Variants in TMTC2 observed in about 807,000 individuals in gnomAD.
The protein encoded by TMTC2 is protein O-mannosyl-transferase TMTC2.
TMTC2 carries 43 observed loss-of-function variants against 82.4 expected under a neutral mutation model. The observed-to-expected ratio is 0.52, with a 90% CI of 0.41 to 0.67. The LOEUF (loss-of-function observed/expected upper bound fraction) is 0.67, where lower values mean the gene tolerates loss of function less well. Ranked by LOEUF, TMTC2 falls within the 30% of genes least tolerant of loss-of-function variation. The pLI is 0.00. For missense variants in TMTC2, 919 were observed against 1,012.4 expected, an observed-to-expected ratio of 0.91 and a Z score of 1.25; for synonymous variants, 408 against 381.9, an observed-to-expected ratio of 1.07 and a Z score of -0.80.
chr12:83,007,293 T>C (rs143697586), intron 8 of TMTC2, among the ~76,000 whole-genome samples: 1 of 152,228 alleles, frequency 6.6e-6, no homozygotes. Flanking sequence ...GTTGTTGATA[T>C]GAGCTCTTTG....
intron 1 of TMTC2, among the ~76,000 whole-genome samples, chr12:82,834,846 A>T (rs1869940083): frequency 1.3e-5 from 2 of 152,032 alleles, no homozygotes; most frequent in African/African-American, 4.8e-5. Context: ...ATTATGTCAC[A>T]TAAGCTGTAA....
intron 7 of TMTC2, among the ~76,000 whole-genome samples, chr12:82,970,521 G>C (rs913927758): frequency 6.7e-6 from 1 of 149,044 alleles, no homozygotes; most frequent in Admixed American, 6.6e-5. Context: ...TTTTAGTAGA[G>C]ACGGGGTTTC....
chr12:82,848,393 T>C (rs931349699), intron 1 of TMTC2, among the ~76,000 whole-genome samples: 5 of 152,158 alleles, frequency 3.3e-5, no homozygotes, highest in Admixed American at 6.5e-5. Context: ...CTCTAAGACA[T>C]TGGGCATCTG....
At chr12:83,099,003 A>T (rs1256168061) in intron 11 of TMTC2, among the ~76,000 whole-genome samples, 1 of 152,248 alleles carries the variant, frequency 6.6e-6, no homozygotes, top group East Asian at 1.9e-4. Context: ...ATTTGGATAT[A>T]TCATAGCCTT....
chr12:83,129,747 A>G (rs1361616902), intron 11 of TMTC2, among the ~76,000 whole-genome samples: 1 of 152,166 alleles, frequency 6.6e-6, no homozygotes, highest in African/African-American at 2.4e-5. Flanking sequence ...GATAAGGAAA[A>G]GGAAAGGAAA....
At chr12:82,963,272 C>T (rs994424678) in intron 4 of TMTC2, among the ~76,000 whole-genome samples, 4 of 151,858 alleles carry the variant, frequency 2.6e-5, no homozygotes, top group South Asian at 2.1e-4. Context: ...AAGAGGTACA[C>T]GAACATTTTT....
intron 1 of TMTC2, among the ~76,000 whole-genome samples, chr12:82,777,543 A>C (rs1469886711): frequency 6.6e-6 from 1 of 152,052 alleles, no homozygotes; most frequent in Non-Finnish European, 1.5e-5. Context: ...CCACTCTTTT[A>C]TGTGTTCAAA....
intron 1 of TMTC2, among the ~76,000 whole-genome samples, chr12:82,696,668 A>G (rs1225518896): frequency 1.3e-5 from 2 of 152,130 alleles, no homozygotes; most frequent in Admixed American, 1.3e-4. Context: ...CAGTATTTCA[A>G]AACCTCTTGT....
At chr12:83,110,440 C>T (rs1373695589) in intron 11 of TMTC2, among the ~76,000 whole-genome samples, 1 of 152,164 alleles carries the variant, frequency 6.6e-6, no homozygotes, top group African/African-American at 2.4e-5. Flanking sequence ...CCCCTTCTCT[C>T]CTTCTCTATA....
chr12:82,896,553 G>GT lies in TMTC2; in HGVS notation c.1396dup (p.Tyr466LeufsTer15). 1.2e-6 allele frequency: 2 copies of GT among 1,614,098 alleles called. No individual in the cohort carries two copies. The highest frequency in any genetic ancestry group is 1.7e-6 in the Non-Finnish European group (2 of 1,180,022). The stretch of plus-strand genomic sequence containing the variant: ...TTTTTATGCTACAGCTACACTAATT[G>GT]TTTTTTATGGACTCAAGACTGCGAT... On this transcript the variant is annotated frameshift_variant, in exon 3 of 12. Coordinates refer to ENST00000321196, the MANE Select transcript of TMTC2 (RefSeq NM_152588.3). LOFTEE classifies it high-confidence loss of function.
At chr12:83,098,730 T>C (rs1441683092) in intron 11 of TMTC2, among the ~76,000 whole-genome samples, 1 of 152,164 alleles carries the variant, frequency 6.6e-6, no homozygotes, top group Admixed American at 6.5e-5. Flanking sequence ...TTCATGCCCA[T>C]ACACTGCAAC....
chr12:83,069,917 T>C (rs1484798841), intron 11 of TMTC2, among the ~76,000 whole-genome samples: 1 of 152,166 alleles, frequency 6.6e-6, no homozygotes, highest in Non-Finnish European at 1.5e-5. Flanking sequence ...GGCTAGCCAA[T>C]TATCCCAGCA....
chr12:83,069,313 G>A (rs929260728), intron 11 of TMTC2, among the ~76,000 whole-genome samples: 1 of 152,120 alleles, frequency 6.6e-6, no homozygotes, highest in Non-Finnish European at 1.5e-5. Flanking sequence ...ATTCCCACCA[G>A]CAGTGTAGAA....
At chr12:83,113,897 T>C (rs563811407) in intron 11 of TMTC2, among the ~76,000 whole-genome samples, 1 of 152,190 alleles carries the variant, frequency 6.6e-6, no homozygotes, top group Non-Finnish European at 1.5e-5. Context: ...CGAAATACTT[T>C]CCATTTGCTG....
At chr12:83,012,781 G>A (rs1035236634) in intron 8 of TMTC2, among the ~76,000 whole-genome samples, 34 of 152,096 alleles carry the variant, frequency 2.2e-4, no homozygotes, top group African/African-American at 8.0e-4. Context: ...AACAGTGGTC[G>A]TGATGTTAAT....
intron 1 of TMTC2, among the ~76,000 whole-genome samples, chr12:82,784,269 ACT>A (rs1878060698): frequency 2.0e-5 from 3 of 151,950 alleles, no homozygotes; most frequent in Admixed American, 2.0e-4. Flanking sequence ...ATTTTGTGCA[ACT>A]CTTTCCTTTT....
chr12:82,880,421 T>C (rs1872764127), intron 2 of TMTC2, among the ~76,000 whole-genome samples: 1 of 152,208 alleles, frequency 6.6e-6, no homozygotes, highest in Non-Finnish European at 1.5e-5. Context: ...CACTTCTGAA[T>C]GTTGCTGGAG....
chr12:82,941,486 T>C (rs114648912), intron 4 of TMTC2, among the ~76,000 whole-genome samples: 304 of 152,346 alleles, frequency 2.0e-3, no homozygotes, highest in African/African-American at 7.0e-3. Context: ...TAATGAGTAA[T>C]CTAATAACTG....
chr12:82,748,936 C>CTA (rs569220290), intron 1 of TMTC2, among the ~76,000 whole-genome samples: 1 of 152,184 alleles, frequency 6.6e-6, no homozygotes, highest in Non-Finnish European at 1.5e-5. Flanking sequence ...ATGTGTATCT[C>CTA]TATATATATG....
Sources: gnomAD v4.1 joint callset for allele counts (sites outside exome capture counted in the v4.1 genomes callset) on GRCh38, gnomAD v4.1.1 for gene constraint, MANE v1.5 for transcripts, NCBI Gene and HGNC (gene_info 2026-07-23, HGNC 2026-07-21) for gene names.